BCL2L14: variants seen among roughly 807,000 people sequenced by gnomAD.
The protein encoded by BCL2L14 is apoptosis facilitator Bcl-2-like protein 14.
BCL2L14 carries 27 observed loss-of-function variants against 35.3 expected under a neutral mutation model. That is an observed-to-expected ratio of 0.76 (90% CI 0.56 to 1.05). The LOEUF is 1.05. Ranked by LOEUF, BCL2L14 falls within the 50% of genes least tolerant of loss-of-function variation. The pLI is 0.00. For missense variants in BCL2L14, 377 were observed against 382.6 expected (o/e 0.99, Z 0.12); for synonymous variants, 139 against 145.9 (o/e 0.95, Z 0.34).
intron 2 of BCL2L14, among the ~76,000 whole-genome samples, chr12:12,059,249 G>A (rs1486939872): frequency 6.6e-6 from 1 of 151,730 alleles, no homozygotes; most frequent in African/African-American, 2.4e-5. Context: ...CCGCTTTTCT[G>A]GGGGAGGGGC....
At chr12:12,069,543 CAAAAAAAAA>C (rs374176155), upstream of BCL2L14, among the ~76,000 whole-genome samples, 96 of 133,210 alleles carry the variant, frequency 7.2e-4, no homozygotes, top group Middle Eastern at 3.7e-3. Context: ...ACTAAAAATA[CAAAAAAAAA>C]AAAAAATTAT....
At chr12:12,096,969 C>T (rs1949325332) in intron 5 of BCL2L14, among the ~76,000 whole-genome samples, 1 of 152,052 alleles carries the variant, frequency 6.6e-6, no homozygotes, top group Non-Finnish European at 1.5e-5. Context: ...CGGTGAAACC[C>T]CGTCTCTACT....
Position 12,094,913 on chromosome 12 carries a change from C to T in BCL2L14, c.928C>T (p.Gln310Ter), listed in dbSNP as rs1406405526. The T allele has an allele frequency of 6.2e-7, 1 of 1,613,682 alleles. No individual in the cohort carries two copies. Among genetic ancestry groups the T allele is most frequent in the Non-Finnish European group, 8.5e-7 (1 of 1,180,026 alleles). ...GAAAGAGAACTTCTCGCCATGGATC[C>T]AGCAGCACGGTGGATGGGTAAGCGT... ...YLKENFSPWI[Q>*]QHGGWEKILG... is the part of the protein sequence containing the mutation. Residue 310 changes from glutamine to a stop codon, truncating the protein, a stop_gained, in exon 5 of 6, where the codon CAG becomes TAG. Coordinates refer to ENST00000308721, the MANE Select transcript of BCL2L14 (RefSeq NM_138723.2). LOFTEE classifies it high-confidence loss of function.
At chr12:12,060,892 C>T (rs1410217771) in intron 2 of BCL2L14, among the ~76,000 whole-genome samples, 2 of 71,504 alleles carry the variant, frequency 2.8e-5, no homozygotes, top group Non-Finnish European at 2.7e-5. Context: ...GTCCCGTAGA[C>T]CATCACAGAT....
intron 2 of BCL2L14, chr12:12,055,578 C>G (rs1948419449): frequency 6.6e-6 from 1 of 152,230 alleles, no homozygotes; most frequent in African/African-American, 2.4e-5. Flanking sequence ...TCTCCCTACT[C>G]TGGGCCTGAG....
At chr12:12,053,171 A>G (rs533073051) in intron 2 of BCL2L14, among the ~76,000 whole-genome samples, 2 of 152,344 alleles carry the variant, frequency 1.3e-5, no homozygotes, top group Admixed American at 6.5e-5. Context: ...CTGAATCCTC[A>G]TAACAGCCCT....
intron 1 of BCL2L14, among the ~76,000 whole-genome samples, chr12:12,076,896 T>C (rs1948791322): frequency 6.6e-6 from 1 of 152,038 alleles, no homozygotes; most frequent in South Asian, 2.1e-4. Context: ...TTAGAGAATA[T>C]CCTTATTCTA....
At chr12:12,080,014 C>A (rs11054668) in intron 2 of BCL2L14, among the ~76,000 whole-genome samples, 2 of 152,244 alleles carry the variant, frequency 1.3e-5, no homozygotes, top group East Asian at 1.9e-4. Context: ...ACCATCCTGG[C>A]TAACACGGTA....
Position 12,053,975 on chromosome 12 carries a change from T to C in BCL2L14, c.-272+2128T>C, listed in dbSNP as rs575322979. On this transcript the variant is annotated intron_variant, in intron 2 of 3. Transcript: ENST00000461264. Reference sequence around the variant, plus strand: ...CTTATAGTTTCACCCTACTATAATTTTGAAACATGATATGTTACCTAATGT... The same window carrying C: ...CTTATAGTTTCACCCTACTATAATTCTGAAACATGATATGTTACCTAATGT... Among the ~76,000 whole-genome samples, 5 of 152,334 alleles carry C rather than the reference T, an allele frequency of 3.3e-5. No homozygotes were observed. The East Asian group carries it at 7.7e-4, about 23-fold the overall frequency.
At chr12:12,098,466 G>C (rs1949361098) in intron 5 of BCL2L14, among the ~76,000 whole-genome samples, 1 of 152,130 alleles carries the variant, frequency 6.6e-6, no homozygotes, top group Non-Finnish European at 1.5e-5. Flanking sequence ...GTAGAACGGT[G>C]AATGAATCGA....
At chr12:12,096,017 C>T (rs1949305304) in intron 5 of BCL2L14, 1 of 985,162 alleles carries the variant, frequency 1.0e-6, no homozygotes, top group Admixed American at 6.2e-5. Context: ...TTAGTTCTAC[C>T]TATTCTTCTT....
chr12:12,098,223 CT>C (rs1949357686), intron 5 of BCL2L14, among the ~76,000 whole-genome samples: 1 of 152,124 alleles, frequency 6.6e-6, no homozygotes, highest in Non-Finnish European at 1.5e-5. Flanking sequence ...GTCTCGATGG[CT>C]CTCTCTGCTG....
intron 2 of BCL2L14, among the ~76,000 whole-genome samples, chr12:12,058,123 T>C (rs988116172): frequency 1.3e-5 from 2 of 151,864 alleles, no homozygotes; most frequent in Non-Finnish European, 2.9e-5. Context: ...TAAATTTTTT[T>C]GTGTTTTTAG....
chr12:12,070,817 G>A (rs1948658398), upstream of BCL2L14: 1 of 152,194 alleles, frequency 6.6e-6, no homozygotes, highest in African/African-American at 2.4e-5. Context: ...GGCAGGAAGA[G>A]TGCTAGGTAA....
intron 2 of BCL2L14, among the ~76,000 whole-genome samples, chr12:12,057,135 G>A (rs1430840073): frequency 6.6e-6 from 1 of 152,056 alleles, no homozygotes; most frequent in Non-Finnish European, 1.5e-5. Flanking sequence ...AAGAAATACC[G>A]AAATAAATTT....
chr12:12,058,905 A>G (rs1022161147), intron 2 of BCL2L14, among the ~76,000 whole-genome samples: 3 of 152,296 alleles, frequency 2.0e-5, no homozygotes, highest in East Asian at 3.9e-4. Context: ...GCAGCCCAAG[A>G]AACATCTCAC....
At chr12:12,073,762 T>G (rs1008648675) in intron 1 of BCL2L14, among the ~76,000 whole-genome samples, 3 of 152,184 alleles carry the variant, frequency 2.0e-5, no homozygotes, top group Non-Finnish European at 4.4e-5. Flanking sequence ...AGGGTGCACA[T>G]CTGGCCTGCA....
intron 1 of BCL2L14, chr12:12,072,358 T>C (rs1948685662): frequency 6.6e-6 from 1 of 152,256 alleles, no homozygotes; most frequent in African/African-American, 2.4e-5. Flanking sequence ...AGCCGGCCTC[T>C]CAGCACACCC....
chr12:12,062,462 T>C (rs1170967123), intron 2 of BCL2L14, among the ~76,000 whole-genome samples: 2 of 150,974 alleles, frequency 1.3e-5, no homozygotes, highest in African/African-American at 2.5e-5. Context: ...ACCTCTCATT[T>C]CCTTTCCATC....
Sources: allele counts gnomAD v4.1 joint callset (sites outside exome capture counted in the v4.1 genomes callset), GRCh38; gene constraint gnomAD v4.1.1; transcripts MANE v1.5; gene names NCBI Gene and HGNC (gene_info 2026-07-23, HGNC 2026-07-21).